Variants in TMEM200C observed in about 807,000 individuals in gnomAD.
The protein encoded by TMEM200C is transmembrane protein 200C, also known as transmembrane protein TTMA.
For missense variants in TMEM200C, 966 were observed against 699.9 expected (o/e 1.38, Z -4.29); for synonymous variants, 462 against 324.7 (o/e 1.42, Z -4.55).
chr18:5,884,320 T>C, exon 3 of TMEM200C: 1 of 152,166 alleles, frequency 6.6e-6, no homozygotes, highest in East Asian at 1.9e-4. Context: ...CTGGCCCCAC[T>C]GGCCAACACA....
exon 3 of TMEM200C, chr18:5,890,296 G>A: frequency 6.2e-7 from 1 of 1,600,022 alleles, no homozygotes. Context: ...CTCTGCACCG[G>A]CTGAGGTTGC....
chr18:5,890,283 T>G (rs543692876), exon 3 of TMEM200C: 2 of 1,597,468 alleles, frequency 1.3e-6, no homozygotes, highest in African/African-American at 2.7e-5. Context: ...GTTTGTAAAC[T>G]GCCTCTGCAC....
rs375006622 is a variant in TMEM200C at position 5,891,860 on chromosome 18, G to C, written c.204C>G (p.Ala68=). Residue 68 remains alanine (A), a synonymous_variant, in exon 3 of 3, where the codon GCC becomes GCG. Transcript: ENST00000581347. This position sits in a 1 kb window ranked among gnomAD's most constrained non-coding sequence, Gnocchi z 4.7. The stretch of plus-strand genomic sequence containing the variant: ...TGGGCCAGTAGCCCACCACCGCCAT[G>C]GCTATGCCCACCAGCAGCACCAGGA... 1.7e-5 allele frequency: 28 copies of C among 1,610,216 alleles called. No homozygotes were observed. Among genetic ancestry groups the C allele is most frequent in the Non-Finnish European group, 2.4e-5 (28 of 1,179,692 alleles).
exon 3 of TMEM200C, chr18:5,885,262 G>C (rs533519203): frequency 6.6e-6 from 1 of 151,838 alleles, no homozygotes; most frequent in South Asian, 2.1e-4. Context: ...GTCAGCCTTC[G>C]TGGGACTTGG....
chr18:5,890,825 G>C (rs2095169832), exon 3 of TMEM200C: 1 of 674,850 alleles, frequency 1.5e-6, no homozygotes, highest in African/African-American at 1.9e-5. Flanking sequence ...CGCCCCTCGG[G>C]ATCTCCTGGG....
exon 3 of TMEM200C, chr18:5,890,993 GCTGCAGGGCGCCGGA>G: frequency 6.1e-6 from 4 of 650,922 alleles, no homozygotes; most frequent in Non-Finnish European, 1.1e-5. Context: ...TCTCGGGTGG[GCTGCAGGGCGCCGGA>G]CTGCTGCAGC....
Position 5,891,253 on chromosome 18 carries a change from C to A in TMEM200C, c.811G>T (p.Asp271Tyr). 1 of 1,385,488 alleles carries A rather than the reference C, an allele frequency of 7.2e-7. No individual in the cohort carries two copies. The highest frequency in any genetic ancestry group is 1.6e-5 in the South Asian group (1 of 64,496). The allele number at this position is 1,385,488 out of a possible 1,614,324, so 85.8% of individuals were successfully genotyped here. ...AGCATCGCCGCCGCTCCGAAGGCGTCCCCGGAGCCACCGCAGCCCCCGGGC... is the reference window on the plus strand; with the variant it reads ...AGCATCGCCGCCGCTCCGAAGGCGTACCCGGAGCCACCGCAGCCCCCGGGC... The change falls in exon 3 of 3, where the codon GAC becomes TAC. Residue 271 changes from aspartate to tyrosine, a missense_variant. Asp to Tyr is a radical substitution (Grantham distance 160). Coordinates refer to ENST00000581347, the Ensembl canonical transcript of TMEM200C. This position sits in a 1 kb window ranked among gnomAD's most constrained non-coding sequence, Gnocchi z 4.7.
At chr18:5,884,262 G>A (rs2095163805) in exon 3 of TMEM200C, 1 of 152,004 alleles carries the variant, frequency 6.6e-6, no homozygotes, top group Non-Finnish European at 1.5e-5. Context: ...ATTACCTTAT[G>A]AACATCTGGC....
chr18:5,890,518 G>T (rs760055777), exon 3 of TMEM200C: 7 of 1,512,978 alleles, frequency 4.6e-6, no homozygotes, highest in Non-Finnish European at 5.3e-6. Flanking sequence ...CTGGTGGGGG[G>T]CGAGCCCTCC....
At chr18:5,890,928 A>G in exon 3 of TMEM200C, 7 of 677,204 alleles carry the variant, frequency 1.0e-5, no homozygotes, top group Non-Finnish European at 1.9e-5. Flanking sequence ...CAGCAGCGCG[A>G]AGGCGCTCAG....
exon 3 of TMEM200C, chr18:5,890,877 C>A (rs1220722722): frequency 1.9e-5 from 13 of 682,694 alleles, no homozygotes; most frequent in Non-Finnish European, 3.5e-5. Flanking sequence ...GCAGCTCGCG[C>A]CCTCCGCGTC....
exon 3 of TMEM200C, chr18:5,890,068 C>T (rs2095168456): frequency 2.3e-6 from 2 of 853,020 alleles, no homozygotes; most frequent in Non-Finnish European, 1.6e-6. Context: ...GGATAACATT[C>T]TGCAGCTCTT....
chr18:5,884,511 C>T (rs1161437502), exon 3 of TMEM200C: 2 of 152,064 alleles, frequency 1.3e-5, no homozygotes, highest in Non-Finnish European at 2.9e-5. Flanking sequence ...TTCACAGACA[C>T]AAAAAGGATA....
At position 5,891,029 on chromosome 18, in the gene TMEM200C, TGCGGCGGCGGTG is replaced by T. The variant is rs1474616510; in HGVS notation, c.1023_1034del (p.Thr342_Ala345del). On this transcript the variant is annotated inframe_deletion, in exon 3 of 3. Coordinates refer to ENST00000581347, the Ensembl canonical transcript of TMEM200C. The surrounding 1 kb of genome is among the most constrained non-coding windows in gnomAD (Gnocchi z 4.7). ...CCGGACTGCTGCAGCTGCTAGCGGC[TGCGGCGGCGGTG>T]GCAGCGGCGGCCCGGCGACTGCCTG... 1 of 565,226 alleles carries T rather than the reference TGCGGCGGCGGTG, an allele frequency of 1.8e-6. No homozygotes were observed. Among genetic ancestry groups the T allele is most frequent in the Non-Finnish European group, 3.1e-6 (1 of 325,884 alleles). 35.0% of individuals were successfully genotyped at this position (565,226 alleles called of 1,614,324 possible).
chr18:5,890,249 G>A, exon 3 of TMEM200C: 1 of 1,584,236 alleles, frequency 6.3e-7, no homozygotes, highest in Non-Finnish European at 8.6e-7. Context: ...CATGAGACCT[G>A]GAAATCATGA....
exon 3 of TMEM200C, chr18:5,885,174 A>G (rs1280227165): frequency 2.0e-5 from 3 of 152,056 alleles, no homozygotes; most frequent in East Asian, 1.9e-4. Flanking sequence ...ATTCTGGCCT[A>G]TCTTTTTTTT....
At chr18:5,893,457 A>T (rs963692187) in intron 2 of TMEM200C, among the ~76,000 whole-genome samples, 4 of 152,346 alleles carry the variant, frequency 2.6e-5, no homozygotes, top group African/African-American at 7.2e-5. Context: ...GCCTCTAAAA[A>T]TTACAGTCTT....
intron 1 of TMEM200C, among the ~76,000 whole-genome samples, 168 bp from the exon 1 acceptor site, chr18:5,895,690 G>A (rs1300740997): frequency 6.7e-6 from 1 of 150,296 alleles, no homozygotes; most frequent in South Asian, 2.1e-4. Flanking sequence ...TCCTCGGGGA[G>A]GAGGAGGCGT....
chr18:5,885,801 TG>T (rs1322580571), exon 3 of TMEM200C: 1 of 152,154 alleles, frequency 6.6e-6, no homozygotes, highest in Non-Finnish European at 1.5e-5. Flanking sequence ...ATAACTTCCC[TG>T]GGGTAGGGTG....
Sources: gnomAD v4.1 joint callset for allele counts (sites outside exome capture counted in the v4.1 genomes callset) on GRCh38, gnomAD v4.1.1 for gene constraint, Gnocchi (gnomAD v3.1) non-coding constraint, MANE v1.5 for transcripts, NCBI Gene and HGNC (gene_info 2026-07-23, HGNC 2026-07-21) for gene names.